The following ODR4 variants were observed in gnomAD, a reference collection of about 807,000 sequenced individuals.
ODR4 encodes the protein protein odr-4 homolog.
A neutral mutation model predicts 60.2 loss-of-function variants in ODR4; 47 were observed. The observed-to-expected ratio is 0.78, with a 90% CI of 0.62 to 1.00. The LOEUF is 1.00. Among genes scored for constraint, ODR4 ranks in the 50% least tolerant of loss-of-function variants. ODR4 has a pLI of 0.00. For synonymous variants in ODR4, 178 were observed against 175.5 expected (o/e 1.01, Z -0.11); for missense variants, 488 against 530.8 (o/e 0.92, Z 0.79).
chr1:186,397,208 G>A (rs1660716276), intron 9 of ODR4, among the ~76,000 whole-genome samples: 1 of 152,096 alleles, frequency 6.6e-6, no homozygotes, highest in African/African-American at 2.4e-5. Flanking sequence ...TCTTTCAATA[G>A]CTATGCATGT....
At chr1:186,406,616 G>A (rs1387497863) in intron 12 of ODR4, among the ~76,000 whole-genome samples, 2 of 151,734 alleles carry the variant, frequency 1.3e-5, no homozygotes, top group African/African-American at 2.4e-5. Flanking sequence ...TATCTTACTT[G>A]GTAAAGCATC....
At chr1:186,429,122 A>C in the ODR4 span, among the ~76,000 whole-genome samples, 4 of 152,070 alleles carry the variant, frequency 2.6e-5, no homozygotes, top group African/African-American at 9.7e-5. Flanking sequence ...TGGTTGGCAC[A>C]TGCCTGTAGT....
intron 11 of ODR4, 29 bp downstream of exon 11, chr1:186,399,073 C>A: frequency 7.2e-7 from 1 of 1,396,898 alleles, no homozygotes; most frequent in Non-Finnish European, 1.0e-6. Context: ...TACTTTTTTG[C>A]GTATCTTCAA....
At chr1:186,397,287 T>A (rs1660719897) in intron 9 of ODR4, among the ~76,000 whole-genome samples, 1 of 152,210 alleles carries the variant, frequency 6.6e-6, no homozygotes, top group Non-Finnish European at 1.5e-5. Context: ...CACAAAGCAC[T>A]TTTCACAAGT....
chr1:186,378,143 A>G (rs1659865229), intron 1 of ODR4, among the ~76,000 whole-genome samples: 1 of 152,176 alleles, frequency 6.6e-6, no homozygotes, highest in Non-Finnish European at 1.5e-5. Flanking sequence ...CTCCAGTAGG[A>G]CATTTCAGAC....
At chr1:186,429,579 CCT>C in the ODR4 span, among the ~76,000 whole-genome samples, 5 of 152,208 alleles carry the variant, frequency 3.3e-5, 1 homozygote, top group African/African-American at 1.2e-4. Context: ...TACTACAGTG[CCT>C]CTGTCTTCCT....
chr1:186,433,951 A>AT, the ODR4 span, among the ~76,000 whole-genome samples: 1 of 152,142 alleles, frequency 6.6e-6, no homozygotes, highest in Non-Finnish European at 1.5e-5. Flanking sequence ...ATAGATACTA[A>AT]TTTTTTGTTA....
rs1221876502 is a variant in ODR4 at position 186,419,170 on chromosome 1, C to G, written c.*94C>G. The stretch of plus-strand genomic sequence containing the variant: ...TAACAATCCATCTGTATTTAAAACA[C>G]TAGCAGCCAGATCTGCTGCCATGAT... On this transcript the variant is annotated 3_prime_UTR_variant, in exon 14 of 14. Transcript: ENST00000287859. 10 of 1,105,132 alleles carry G rather than the reference C, an allele frequency of 9.0e-6. No individual in the cohort carries two copies. The highest frequency in any genetic ancestry group is 1.2e-5 in the Non-Finnish European group (9 of 748,600). 68.5% of individuals were successfully genotyped at this position (1,105,132 alleles called of 1,614,324 possible).
intron 3 of ODR4, among the ~76,000 whole-genome samples, chr1:186,383,544 C>T (rs1660121883): frequency 6.6e-6 from 1 of 152,012 alleles, no homozygotes. Flanking sequence ...ATGTGACAGA[C>T]TTGCACATTC....
intron 12 of ODR4, among the ~76,000 whole-genome samples, chr1:186,407,383 A>G (rs891500110): frequency 2.0e-5 from 3 of 152,104 alleles, no homozygotes; most frequent in African/African-American, 7.2e-5. Context: ...TAGTGACTGC[A>G]TTATCTCTGC....
intron 3 of ODR4, among the ~76,000 whole-genome samples, chr1:186,384,454 A>G (rs907325073): frequency 1.3e-5 from 2 of 152,112 alleles, no homozygotes; most frequent in African/African-American, 4.8e-5. Context: ...GTTTAAGGGG[A>G]CAAACATGGC....
At chr1:186,414,289 A>G (rs1004226277) in intron 12 of ODR4, among the ~76,000 whole-genome samples, 12 of 152,140 alleles carry the variant, frequency 7.9e-5, no homozygotes, top group Admixed American at 7.9e-4. Context: ...TATGAAAGTA[A>G]ATTATTTGCT....
downstream of ODR4, among the ~76,000 whole-genome samples, chr1:186,425,683 T>C (rs73046582): frequency 0.021 from 3,146 of 152,286 alleles, 115 homozygotes; most frequent in African/African-American, 0.069. Flanking sequence ...CTTAGAAGTC[T>C]TTTTGTCTAG....
rs752364848 is a variant in ODR4, at chr1:186,390,832, C to A, written c.596C>A (p.Thr199Asn). ...CTTTCTGCTACTTCTGTCAGCTATA[C>A]TCTGGAGAAAAATACAAAGGTACCA... ...IPLSATSVSY[T>N]LEKNTKNGLT... The change falls in exon 7 of 14, where the codon ACT becomes AAT. Residue 199 changes from threonine (T) to asparagine (N), a missense_variant. Physicochemically the swap from Thr to Asn is moderately conservative, Grantham distance 65. Coordinates refer to ENST00000287859, the MANE Select transcript of ODR4 (RefSeq NM_017847.6). 1.6e-5 allele frequency: 25 copies of A among 1,612,512 alleles called. No individual in the cohort carries two copies. Among genetic ancestry groups the A allele is most frequent in the Admixed American group, 1.7e-5 (1 of 59,834 alleles).
chr1:186,403,094 A>G (rs980575471), intron 11 of ODR4, among the ~76,000 whole-genome samples: 10 of 152,188 alleles, frequency 6.6e-5, no homozygotes, highest in Non-Finnish European at 1.3e-4. Flanking sequence ...AATTTAGCAT[A>G]TTTCAAACAG....
chr1:186,413,892 A>G (rs1295003194), intron 12 of ODR4, among the ~76,000 whole-genome samples: 3 of 152,222 alleles, frequency 2.0e-5, no homozygotes, highest in Admixed American at 1.3e-4. Context: ...CAACTTTTGC[A>G]TGCATTCACA....
chr1:186,390,051 C>T (rs1660404193), intron 6 of ODR4, among the ~76,000 whole-genome samples: 1 of 152,154 alleles, frequency 6.6e-6, no homozygotes, highest in African/African-American at 2.4e-5. Context: ...AGTGATCTGC[C>T]TGTCTTCGCC....
intron 11 of ODR4, among the ~76,000 whole-genome samples, chr1:186,402,807 T>C (rs926396353): frequency 1.3e-5 from 2 of 152,134 alleles, no homozygotes; most frequent in African/African-American, 4.8e-5. Flanking sequence ...GTTGTCCAGG[T>C]TGTCTCAAAC....
At chr1:186,390,973 T>G in intron 7 of ODR4, 122 bp downstream of exon 7, 1 of 1,059,196 alleles carries the variant, frequency 9.4e-7, no homozygotes. Context: ...AATGTTGTTA[T>G]GTGAGTAACT....
Sources: gnomAD v4.1 joint callset for allele counts (sites outside exome capture counted in the v4.1 genomes callset) on GRCh38, gnomAD v4.1.1 for gene constraint, MANE v1.5 for transcripts, NCBI Gene and HGNC (gene_info 2026-07-23, HGNC 2026-07-21) for gene names.